The following TRIO variants were observed in gnomAD, a reference collection of about 807,000 sequenced individuals.
The protein encoded by TRIO is trio Rho guanine nucleotide exchange factor.
Under a neutral mutation model 351.9 loss-of-function variants are expected in TRIO, and 58 were observed. The observed-to-expected ratio is 0.16, with a 90% CI of 0.13 to 0.21. TRIO has a LOEUF of 0.21. Ranked by LOEUF, TRIO falls within the 10% of genes least tolerant of loss-of-function variation. The pLI, the probability that TRIO is intolerant of heterozygous loss-of-function variation, is 1.00. For synonymous variants in TRIO, 1,758 were observed against 1,595.7 expected (o/e 1.10, Z -2.42); for missense variants, 3,201 against 4,027.8 (o/e 0.79, Z 5.56).
chr5:14,302,517 TGACATTTATA>T (rs1429482203), intron 7 of TRIO, among the ~76,000 whole-genome samples: 1 of 152,204 alleles, frequency 6.6e-6, no homozygotes, highest in African/African-American at 2.4e-5. Context: ...CTGACCAAAT[TGACATTTATA>T]GAACATGACA....
chr5:14,240,610 C>G lies in TRIO; in HGVS notation c.158-30215C>G, dbSNP rs577383474. On this transcript the variant is annotated intron_variant, in intron 1 of 56. Coordinates refer to ENST00000344204, the MANE Select transcript of TRIO (RefSeq NM_007118.4). ...AGTCAGCCACTTTCCAAAACCCTTT[C>G]AGCTGCAGGGAGTGGGTATGATTCC... 4.6e-5 allele frequency among the ~76,000 whole-genome samples: 7 copies of G among 152,322 alleles called. No homozygotes were observed. The South Asian group carries it at 1.2e-3, about 27-fold the overall frequency.
intron 1 of TRIO, among the ~76,000 whole-genome samples, chr5:14,185,656 G>A (rs1202332673): frequency 6.6e-6 from 1 of 152,196 alleles, no homozygotes; most frequent in Admixed American, 6.5e-5. Flanking sequence ...AAAATGATTG[G>A]GAGAAGACAG....
At chr5:14,331,933 T>C (rs555429555) in intron 10 of TRIO, among the ~76,000 whole-genome samples, 4 of 152,322 alleles carry the variant, frequency 2.6e-5, no homozygotes, top group Admixed American at 1.3e-4. Context: ...AAAAATACTT[T>C]TCATGCGAAG....
rs146167033 is a variant in TRIO, at chr5:14,215,342, A to G, written c.158-55483A>G. ...GTGACTTTGTTATTCGTGTCTGCCAATGCACACTGTTAGTGTTTATTGGTG... is the reference window on the plus strand; with the variant it reads ...GTGACTTTGTTATTCGTGTCTGCCAGTGCACACTGTTAGTGTTTATTGGTG... On this transcript the variant is annotated intron_variant, in intron 1 of 56. Coordinates refer to ENST00000344204, the MANE Select transcript of TRIO (RefSeq NM_007118.4). Among the ~76,000 whole-genome samples the G allele has an allele frequency of 3.3e-3, 502 of 152,328 alleles. 1 individual carries two copies. The highest frequency in any genetic ancestry group is 0.011 in the African/African-American group (473 of 41,578).
chr5:14,366,281 C>T (rs946667709), intron 15 of TRIO, among the ~76,000 whole-genome samples: 1 of 152,148 alleles, frequency 6.6e-6, no homozygotes, highest in Non-Finnish European at 1.5e-5. Flanking sequence ...AGACCTCCCA[C>T]AATCTGTGGT....
At chr5:14,257,875 C>G (rs1795115019) in intron 1 of TRIO, among the ~76,000 whole-genome samples, 1 of 152,202 alleles carries the variant, frequency 6.6e-6, no homozygotes, top group Non-Finnish European at 1.5e-5. Context: ...ATTTAAAGCA[C>G]TTACCAAACT....
chr5:14,243,083 G>A (rs922082357), intron 1 of TRIO, among the ~76,000 whole-genome samples: 1 of 152,196 alleles, frequency 6.6e-6, no homozygotes, highest in Non-Finnish European at 1.5e-5. Flanking sequence ...AGGCCCCTCA[G>A]TGTGAAGAGC....
chr5:14,392,739 T>C (rs1289538224), intron 27 of TRIO, among the ~76,000 whole-genome samples: 1 of 152,154 alleles, frequency 6.6e-6, no homozygotes, highest in Admixed American at 6.5e-5. Context: ...TGGAATACTA[T>C]GCAATCATAA....
chr5:14,186,302 A>G (rs115640431), intron 1 of TRIO, among the ~76,000 whole-genome samples: 2 of 152,260 alleles, frequency 1.3e-5, no homozygotes, highest in African/African-American at 2.4e-5. Context: ...CCTGGCCTCT[A>G]TGATGCATAA....
chr5:14,151,528 C>G (rs1787833455), intron 1 of TRIO, among the ~76,000 whole-genome samples: 1 of 152,084 alleles, frequency 6.6e-6, no homozygotes, highest in Non-Finnish European at 1.5e-5. Flanking sequence ...TACTTGAAAT[C>G]TATTTTCAAA....
At chr5:14,369,193 G>A (rs1449687786) in intron 17 of TRIO, among the ~76,000 whole-genome samples, 181 bp from the exon 18 acceptor site, 1 of 152,208 alleles carries the variant, frequency 6.6e-6, no homozygotes, top group Non-Finnish European at 1.5e-5. Flanking sequence ...GCTCTGAAAA[G>A]TCTGCCTGCT....
intron 34 of TRIO, among the ~76,000 whole-genome samples, chr5:14,437,307 T>C (rs564093013): frequency 6.6e-6 from 1 of 152,300 alleles, no homozygotes; most frequent in African/African-American, 2.4e-5. Flanking sequence ...TTCCTTTGGT[T>C]TTACAGTATA....
chr5:14,414,153 T>G (rs1350739708), intron 33 of TRIO, among the ~76,000 whole-genome samples: 2 of 152,242 alleles, frequency 1.3e-5, no homozygotes, highest in Admixed American at 1.3e-4. Context: ...TTCAACTGTT[T>G]GCCTCTTCCC....
At chr5:14,179,646 A>G (rs1019126962) in intron 1 of TRIO, among the ~76,000 whole-genome samples, 1 of 150,938 alleles carries the variant, frequency 6.6e-6, no homozygotes, top group Non-Finnish European at 1.5e-5. Flanking sequence ...GTGCAGTTTC[A>G]CTGTTTTGCC....
At chr5:14,176,501 C>T (rs1480467865) in intron 1 of TRIO, among the ~76,000 whole-genome samples, 2 of 152,020 alleles carry the variant, frequency 1.3e-5, no homozygotes, top group African/African-American at 4.8e-5. Flanking sequence ...TGCTCTGTTG[C>T]CTAGGCTGGA....
chr5:14,235,708 C>T (rs543394136), intron 1 of TRIO, among the ~76,000 whole-genome samples: 63 of 151,502 alleles, frequency 4.2e-4, no homozygotes, highest in African/African-American at 1.4e-3. Flanking sequence ...TACACCCATT[C>T]GAATCCACAA....
chr5:14,491,172 A>G (rs574664361), intron 48 of TRIO, among the ~76,000 whole-genome samples: 15 of 152,134 alleles, frequency 9.9e-5, no homozygotes, highest in Non-Finnish European at 2.1e-4. Context: ...GCTTGACCTC[A>G]TGGAGGAGGG....
intron 54 of TRIO, among the ~76,000 whole-genome samples, chr5:14,502,917 A>G (rs1757398501): frequency 6.6e-6 from 1 of 152,234 alleles, no homozygotes; most frequent in Non-Finnish European, 1.5e-5. Flanking sequence ...CCCTCTGTGA[A>G]TGTGGAATAG....
chr5:14,460,321 T>A (rs973453274), intron 34 of TRIO, among the ~76,000 whole-genome samples: 2 of 152,204 alleles, frequency 1.3e-5, no homozygotes, highest in African/African-American at 4.8e-5. Context: ...AGTCCCGGTG[T>A]GCCGCCGTGG....
Sources: gnomAD v4.1 joint callset for allele counts (sites outside exome capture counted in the v4.1 genomes callset) on GRCh38, gnomAD v4.1.1 for gene constraint, MANE v1.5 for transcripts, NCBI Gene and HGNC (gene_info 2026-07-23, HGNC 2026-07-21) for gene names.